FTSJ3: variants seen among roughly 807,000 people sequenced by gnomAD.
FTSJ3 encodes the protein FtsJ RNA 2'-O-methyltransferase 3, also known as pre-rRNA 2'-O-ribose RNA methyltransferase FTSJ3.
A neutral mutation model predicts 111.5 loss-of-function variants in FTSJ3; 46 were observed. That is an observed-to-expected ratio of 0.41 (90% CI 0.33 to 0.53). FTSJ3 has a LOEUF of 0.53. Among genes scored for constraint, FTSJ3 ranks in the 20% least tolerant of loss-of-function variants. FTSJ3 has a pLI of 0.19. For synonymous variants in FTSJ3, 408 were observed against 383.0 expected (o/e 1.07, Z -0.76); for missense variants, 1,075 against 1,063.8 (o/e 1.01, Z -0.15).
chr17:63,820,208 T>TGCCC, intron 19 of FTSJ3, 35 bp from the exon 20 acceptor site: 4 of 694,836 alleles, frequency 5.8e-6, no homozygotes, highest in South Asian at 1.5e-5. Flanking sequence ...CTCTTCCCCA[T>TGCCC]CCCCCCACCC....
In FTSJ3 at chr17:63,824,661, C is replaced by T. The variant is rs1567753566; in HGVS notation, c.893G>A (p.Arg298Lys). Residue 298 changes from arginine to lysine, a missense_variant, in exon 10 of 21, where the codon AGA (arginine) becomes AAA (lysine). Arg to Lys is a conservative substitution (Grantham distance 26, BLOSUM62 2). Around this residue, in one of 2 missense-constraint regions of FTSJ3, gnomAD observed 867 missense variants for 796.9 expected, o/e 1.09. Transcript: ENST00000427159. ...EDIRVCCQDI[R>K]VLGRKELRSL... is the part of the protein sequence containing the mutation. ...CCTGAGCTCCTTGCGCCCCAACACT[C>T]TGATGTCCTGACAGCACACCCGTAT... 1 of 1,614,056 alleles carries T rather than the reference C, an allele frequency of 6.2e-7. No homozygotes were observed. The highest frequency in any genetic ancestry group is 1.7e-5 in the Admixed American group (1 of 60,008).
rs1204118606 is a variant in FTSJ3 at position 63,821,655 on chromosome 17, G to C, written c.1597-12C>G. On this transcript the variant is annotated splice_polypyrimidine_tract_variant and intron_variant, in intron 15 of 20. Transcript: ENST00000427159. ...CCAGCAAAGCTGCCCTGTGATAGGA[G>C]AACATCAGCTGCCCTTCTCCCAAGG... The C allele has an allele frequency of 6.2e-7, 1 of 1,613,576 alleles. No homozygotes were observed. The highest frequency in any genetic ancestry group is 1.1e-5 in the South Asian group (1 of 91,058).
At position 63,825,281 on chromosome 17, in the gene FTSJ3, A is replaced by T. The variant is rs981012722; in HGVS notation, c.556T>A (p.Ser186Thr). 1 of 1,614,080 alleles carries T rather than the reference A, an allele frequency of 6.2e-7. No individual in the cohort carries two copies. The highest frequency in any genetic ancestry group is 8.5e-7 in the Non-Finnish European group (1 of 1,180,042). ...AAGATCTCTGCAGATTCATGGCGAGAGGCTTGGGGCTTGGTGGCCTGGACA... is the reference window on the plus strand; with the variant it reads ...AAGATCTCTGCAGATTCATGGCGAGTGGCTTGGGGCTTGGTGGCCTGGACA... The part of the protein sequence containing the change: ...RRVQATKPQA[S>T]RHESAEIFVV... The change falls in exon 7 of 21, where the codon TCT becomes ACT. Residue 186 changes from serine to threonine, a missense_variant. Physicochemically the swap from Ser to Thr is moderately conservative, Grantham distance 58 (BLOSUM62 1). This residue lies in a region of FTSJ3 where 208 missense variants were observed against 266.9 expected (regional missense o/e 0.78). Coordinates refer to ENST00000427159, the MANE Select transcript of FTSJ3 (RefSeq NM_017647.4).
chr17:63,826,677 A>G lies in FTSJ3; in HGVS notation c.68-5T>C. ...AAGCAGATCGGGAACGGTAACCTGG[A>G]CAAAACAACCAAGTGCGCAAACTGC... On this transcript the variant is annotated splice_region_variant and splice_polypyrimidine_tract_variant and intron_variant, in intron 2 of 20. Coordinates refer to ENST00000427159, the MANE Select transcript of FTSJ3 (RefSeq NM_017647.4). 6.2e-7 allele frequency: 1 copy of G among 1,612,370 alleles called. No homozygotes were observed.
At chr17:63,823,317 C>T (rs945393036) in intron 13 of FTSJ3, among the ~76,000 whole-genome samples, 3 of 152,152 alleles carry the variant, frequency 2.0e-5, no homozygotes, top group Non-Finnish European at 2.9e-5. Context: ...ATCTATCAGC[C>T]GGGCGCGGTG....
chr17:63,824,543 T>G (rs2040080089), intron 10 of FTSJ3, 94 bp downstream of exon 10: 1 of 1,427,546 alleles, frequency 7.0e-7, no homozygotes, highest in East Asian at 2.3e-5. Flanking sequence ...ATCCCAAACC[T>G]TTAGCACAGC....
At chr17:63,822,337 T>A in intron 13 of FTSJ3, 169 bp from the exon 14 acceptor site, 1 of 600,454 alleles carries the variant, frequency 1.7e-6, no homozygotes, top group South Asian at 2.0e-5. Flanking sequence ...ATGGCCTGTT[T>A]ACAACATCCC....
In FTSJ3 at chr17:63,825,761, C is replaced by G; in HGVS notation, c.301-126G>C. 7 of 746,548 alleles carry G rather than the reference C, an allele frequency of 9.4e-6. No homozygotes were observed. The South Asian group carries it at 1.2e-4, about 13-fold the overall frequency. The allele number at this position is 746,548 out of a possible 1,614,324, so 46.2% of individuals were successfully genotyped here. A position where few individuals can be genotyped will look rare whatever the true frequency, so the allele number is the denominator to read the frequency against. ...AATGCAGTACCAGGCACAGGAGATA[C>G]AATAGTAAACAAAAACAGTATGTCT... On this transcript the variant is annotated intron_variant, in intron 5 of 20. Transcript: ENST00000427159.
Position 63,825,300 on chromosome 17 carries a change from C to G in FTSJ3, c.537G>C (p.Gln179His). 2.5e-6 allele frequency: 4 copies of G among 1,614,184 alleles called. No individual in the cohort carries two copies. The highest frequency in any genetic ancestry group is 3.4e-6 in the Non-Finnish European group (4 of 1,180,034). ...GGCGAGAGGCTTGGGGCTTGGTGGCCTGGACACGGCGGAACAGCTGCTGAA... is the reference window on the plus strand; with the variant it reads ...GGCGAGAGGCTTGGGGCTTGGTGGCGTGGACACGGCGGAACAGCTGCTGAA... ...WIFQQLFRRV[Q>H]ATKPQASRHE... The change falls in exon 7 of 21, where the codon CAG becomes CAC. Residue 179 changes from glutamine to histidine, a missense_variant. Transcript: ENST00000427159.
intron 13 of FTSJ3, 78 bp from the exon 14 acceptor site, chr17:63,822,246 C>CT: frequency 8.2e-7 from 1 of 1,213,238 alleles, no homozygotes; most frequent in Non-Finnish European, 1.2e-6. Context: ...TCACCTCAGT[C>CT]TATGCTCAGC....
Position 63,820,820 on chromosome 17 carries a change from G to A in FTSJ3, c.2072+19C>T, listed in dbSNP as rs1277949834. 1 of 1,575,402 alleles carries A rather than the reference G, an allele frequency of 6.3e-7. No individual in the cohort carries two copies. Among genetic ancestry groups the A allele is most frequent in the Non-Finnish European group, 8.7e-7 (1 of 1,145,188 alleles). ...CACCAGACCCTGGGTCACTCTTGAT[G>A]AGTTTATGGCCCCTTTACCGGTTGA... On this transcript the variant is annotated intron_variant, in intron 18 of 20. Coordinates refer to ENST00000427159, the MANE Select transcript of FTSJ3 (RefSeq NM_017647.4).
chr17:63,823,885 G>C lies in FTSJ3; in HGVS notation c.1222C>G (p.Pro408Ala), dbSNP rs760382736. Reference sequence around the variant, plus strand: ...CCCTCGTCTGCAATGGAAACCCCAGGCAGATCCATCTTCAGCTCCACACGC... The same window carrying C: ...CCCTCGTCTGCAATGGAAACCCCAGCCAGATCCATCTTCAGCTCCACACGC... The part of the protein sequence containing the change: ...RERVELKMDL[P>A]GVSIADEGET... The change falls in exon 13 of 21, where the codon CCT (proline) becomes GCT (alanine). Residue 408 changes from proline (P) to alanine (A), a missense_variant. Physicochemically the swap from Pro to Ala is conservative, Grantham distance 27. This residue lies in a region of FTSJ3 where 867 missense variants were observed against 796.9 expected (regional missense o/e 1.09). Coordinates refer to ENST00000427159, the MANE Select transcript of FTSJ3 (RefSeq NM_017647.4). 6.2e-7 allele frequency: 1 copy of C among 1,614,144 alleles called. No individual in the cohort carries two copies. The highest frequency in any genetic ancestry group is 8.5e-7 in the Non-Finnish European group (1 of 1,180,026).
In FTSJ3 at chr17:63,819,974, A is replaced by G; in HGVS notation, c.2372T>C (p.Leu791Pro). Residue 791 changes from leucine to proline, a missense_variant, in exon 21 of 21, where the codon CTT (leucine) becomes CCT (proline). By Grantham distance (98) the Leu-to-Pro change is moderately conservative (BLOSUM62 -3). Coordinates refer to ENST00000427159, the MANE Select transcript of FTSJ3 (RefSeq NM_017647.4). The part of the protein sequence containing the change: ...QLRSLYKKAG[L>P]GKEKRHVTYV... ...GGTGACATGGCGTTTCTCCTTGCCA[A>G]GCCCAGCCTTCTTGTAGAGACTACA... is the stretch of plus-strand genomic sequence containing the variant. 1 of 1,614,084 alleles carries G rather than the reference A, an allele frequency of 6.2e-7. No individual in the cohort carries two copies. Among genetic ancestry groups the G allele is most frequent in the Middle Eastern group, 1.6e-4 (1 of 6,062 alleles).
rs141059832 is a variant in FTSJ3 at position 63,823,898 on chromosome 17, C to G, written c.1209G>C (p.Leu403=). ...EQRKQRERVE[L]KMDLPGVSIA... ...TGGAAACCCCAGGCAGATCCATCTT[C>G]AGCTCCACACGCTCCCGCTGCTTTC... Residue 403 remains leucine (L), a synonymous_variant, in exon 13 of 21, where the codon CTG becomes CTC. Transcript: ENST00000427159. 1.2e-6 allele frequency: 2 copies of G among 1,614,114 alleles called. No homozygotes were observed. Among genetic ancestry groups the G allele is most frequent in the Non-Finnish European group, 1.7e-6 (2 of 1,180,058 alleles).
chr17:63,824,850 A>G lies in FTSJ3; in HGVS notation c.791T>C (p.Val264Ala), dbSNP rs200701645. 1 of 1,607,486 alleles carries G rather than the reference A, an allele frequency of 6.2e-7. No individual in the cohort carries two copies. The highest frequency in any genetic ancestry group is 8.5e-7 in the Non-Finnish European group (1 of 1,176,004). The change falls in exon 9 of 21, where the codon GTT becomes GCT. Residue 264 changes from valine to alanine, a missense_variant. Val to Ala is a moderately conservative substitution (Grantham distance 64, BLOSUM62 0). Coordinates refer to ENST00000427159, the MANE Select transcript of FTSJ3 (RefSeq NM_017647.4). ...TTCGCTGGCCTTGGAGAGGAAGTCA[A>G]CAGGGTTGGCAGCTCGGAGGAAGTC... Reference protein sequence around the residue: ...VTDFLRAANPVDFLSKASEIM... With the variant: ...VTDFLRAANPADFLSKASEIM...
At position 63,826,103 on chromosome 17, in the gene FTSJ3, T is replaced by G. The variant is rs1327831675; in HGVS notation, c.253A>C (p.Asn85His). 1 of 1,613,920 alleles carries G rather than the reference T, an allele frequency of 6.2e-7. No individual in the cohort carries two copies. The highest frequency in any genetic ancestry group is 1.7e-5 in the Admixed American group (1 of 60,026). The stretch of plus-strand genomic sequence containing the variant: ...ATGTCCTGCTGGAGAGTCACCACAT[T>G]GGGGAGAGGCTTGATTGGAACCAGG... ...VDLVPIKPLP[N>H]VVTLQQDITT... The change falls in exon 5 of 21, where the codon AAT (asparagine) becomes CAT (histidine). Residue 85 changes from asparagine (N) to histidine (H), a missense_variant. By Grantham distance (68) the Asn-to-His change is moderately conservative (BLOSUM62 1). Coordinates refer to ENST00000427159, the MANE Select transcript of FTSJ3 (RefSeq NM_017647.4).
intron 13 of FTSJ3, among the ~76,000 whole-genome samples, chr17:63,823,108 G>C (rs2040065546): frequency 2.0e-5 from 3 of 152,114 alleles, no homozygotes; most frequent in Admixed American, 6.6e-5. Flanking sequence ...TTGTGACCCT[G>C]ATTTTGTCAG....
In FTSJ3 at chr17:63,822,174, G is replaced by GTGT. The variant is rs1567752204; in HGVS notation, c.1291-9_1291-7dup. 4 of 1,611,446 alleles carry GTGT rather than the reference G, an allele frequency of 2.5e-6. No homozygotes were observed. The South Asian group carries it at 4.4e-5, about 18-fold the overall frequency. On this transcript the variant is annotated splice_polypyrimidine_tract_variant and splice_region_variant and intron_variant, in intron 13 of 20. Coordinates refer to ENST00000427159, the MANE Select transcript of FTSJ3 (RefSeq NM_017647.4). ...TGTGTTACTTCCTCTAATAACTGAA[G>GTGT]TGTAACAGAAACAAAGGTAAACTAT... is the stretch of plus-strand genomic sequence containing the variant.
rs1479383489 is a variant in FTSJ3, at chr17:63,826,911, G to C, written c.-9C>G. The C allele has an allele frequency of 6.2e-7, 1 of 1,612,086 alleles. No individual in the cohort carries two copies. Among genetic ancestry groups the C allele is most frequent in the African/African-American group, 1.3e-5 (1 of 74,860 alleles). Reference sequence around the variant, plus strand: ...TTGCCCTTCTTGCCCATGGTGGAAAGGGGGAGTATCCCTCAATCTGGGGAG... The same window carrying C: ...TTGCCCTTCTTGCCCATGGTGGAAACGGGGAGTATCCCTCAATCTGGGGAG... On this transcript the variant is annotated 5_prime_UTR_variant, in exon 2 of 21. Transcript: ENST00000427159.
Sources: gnomAD v4.1 joint callset for allele counts (sites outside exome capture counted in the v4.1 genomes callset) on GRCh38, gnomAD v4.1.1 for gene constraint, gnomAD v4.1.1 regional missense constraint, MANE v1.5 for transcripts, NCBI Gene and HGNC (gene_info 2026-07-23, HGNC 2026-07-21) for gene names.